Variants in AS3MT observed in about 807,000 individuals in gnomAD.
AS3MT encodes the protein arsenite methyltransferase.
In AS3MT, 47 loss-of-function variants were observed where a neutral mutation model predicts 45.3. The ratio of observed to expected loss-of-function variants is 1.04; its 90% CI spans 0.82 to 1.32. The LOEUF is 1.32. Ranked by LOEUF, AS3MT falls within the 40% of genes most tolerant of loss-of-function variation. The pLI is 0.00. For missense variants in AS3MT, 396 were observed against 451.1 expected, an observed-to-expected ratio of 0.88 and a Z score of 1.11; for synonymous variants, 141 against 152.8, an observed-to-expected ratio of 0.92 and a Z score of 0.57.
In AS3MT at chr10:102,900,594, A is replaced by T. The variant is rs780298293; in HGVS notation, c.1022A>T (p.Asp341Val). 5 of 1,612,144 alleles carry T rather than the reference A, an allele frequency of 3.1e-6. No homozygotes were observed. In the African/African-American group the frequency reaches 6.7e-5, roughly 22 times the overall value. The change falls in exon 11 of 11, where the codon GAT becomes GTT. Residue 341 changes from aspartate to valine, a missense_variant and splice_region_variant. Transcript: ENST00000369880. ...SGGCSALELK[D>V]IITDPFKLAE... ...TCATTTTGGTTTGCCTTTTGACAGG[A>T]TATAATCACAGATCCATTTAAGCTT...
At position 102,901,844 on chromosome 10, in the gene AS3MT, A is replaced by C. The variant is rs1461217309; in HGVS notation, c.*1144A>C. 6.6e-6 allele frequency: 1 copy of C among 152,160 alleles called. No homozygotes were observed. Among genetic ancestry groups the C allele is most frequent in the Non-Finnish European group, 1.5e-5 (1 of 68,048 alleles). 9.4% of individuals were successfully genotyped at this position (152,160 alleles called of 1,614,324 possible). A position where few individuals can be genotyped will look rare whatever the true frequency, so the allele number is the denominator to read the frequency against. Reference sequence around the variant, plus strand: ...GGACTTTTGAGGTAGCTTTTGAACAAATGTTTTTTTCTTTTTTCTTTTTTT... The same window carrying C: ...GGACTTTTGAGGTAGCTTTTGAACACATGTTTTTTTCTTTTTTCTTTTTTT... On this transcript the variant is annotated 3_prime_UTR_variant, in exon 11 of 11. Coordinates refer to ENST00000369880, the MANE Select transcript of AS3MT (RefSeq NM_020682.4).
intron 9 of AS3MT, among the ~76,000 whole-genome samples, chr10:102,890,273 A>G (rs1332199179): frequency 6.6e-6 from 1 of 151,982 alleles, no homozygotes; most frequent in Non-Finnish European, 1.5e-5. Context: ...GAGTGCTGGG[A>G]TTACAGGTGT....
intron 9 of AS3MT, among the ~76,000 whole-genome samples, chr10:102,887,030 C>A (rs956321796): frequency 1.3e-5 from 2 of 152,154 alleles, no homozygotes; most frequent in African/African-American, 4.8e-5. Context: ...TGTTGTATTT[C>A]CATTTTCATC....
chr10:102,878,310 G>C lies in AS3MT; in HGVS notation c.611-69G>C. ...CCATGTCCTAATTAATTATATAGAA[G>C]AATAGTTCCCTTAATACTGTATTAA... On this transcript the variant is annotated intron_variant, in intron 7 of 10. Coordinates refer to ENST00000369880, the MANE Select transcript of AS3MT (RefSeq NM_020682.4). The C allele has an allele frequency of 2.6e-6, 4 of 1,561,920 alleles. No individual in the cohort carries two copies. In the South Asian group the frequency reaches 4.7e-5, roughly 18 times the overall value.
At chr10:102,898,361 TGAGGCG>T (rs1178600871) in intron 10 of AS3MT, among the ~76,000 whole-genome samples, 5 of 152,044 alleles carry the variant, frequency 3.3e-5, no homozygotes, top group Non-Finnish European at 4.4e-5. Flanking sequence ...TTTGGGAGGC[TGAGGCG>T]GGTGGATCAC....
At chr10:102,872,852 C>T (rs577846849) in intron 4 of AS3MT, among the ~76,000 whole-genome samples, 1 of 152,180 alleles carries the variant, frequency 6.6e-6, no homozygotes, top group Non-Finnish European at 1.5e-5. Flanking sequence ...TTGATCTTTC[C>T]CTTCTTGCTG....
chr10:102,899,792 C>T (rs1030702010), intron 10 of AS3MT, among the ~76,000 whole-genome samples: 14 of 151,778 alleles, frequency 9.2e-5, no homozygotes, highest in Non-Finnish European at 1.9e-4. Context: ...CTCAGCCTCC[C>T]GAGTAGCTGA....
intron 5 of AS3MT, among the ~76,000 whole-genome samples, chr10:102,873,812 C>A (rs1223932248): frequency 6.6e-6 from 1 of 152,166 alleles, no homozygotes; most frequent in Non-Finnish European, 1.5e-5. Flanking sequence ...TTTGCTCCTA[C>A]AATACATGCT....
At chr10:102,877,597 A>G (rs1844803706) in intron 7 of AS3MT, among the ~76,000 whole-genome samples, 2 of 150,146 alleles carry the variant, frequency 1.3e-5, no homozygotes, top group Admixed American at 1.3e-4. Flanking sequence ...ACTAAGCTGG[A>G]CACAGTGGCA....
At chr10:102,870,258 T>A (rs761567033) in intron 3 of AS3MT, 47 bp downstream of exon 3, 25 of 1,607,176 alleles carry the variant, frequency 1.6e-5, no homozygotes, top group Non-Finnish European at 1.9e-5. Context: ...ACAGCAGTTT[T>A]CCCAAAAGAT....
At chr10:102,894,785 A>G (rs1208937464) in intron 10 of AS3MT, among the ~76,000 whole-genome samples, 1 of 152,220 alleles carries the variant, frequency 6.6e-6, no homozygotes, top group East Asian at 1.9e-4. Flanking sequence ...ACTCCCTTCT[A>G]TTGATCCCAG....
chr10:102,872,324 A>T, intron 3 of AS3MT, 124 bp from the exon 4 acceptor site: 1 of 1,018,014 alleles, frequency 9.8e-7, no homozygotes, highest in Non-Finnish European at 1.5e-6. Context: ...TGAGTGAATG[A>T]TGCAAGAAAG....
intron 10 of AS3MT, 95 bp from the exon 11 acceptor site, chr10:102,900,498 T>C: frequency 1.2e-6 from 1 of 840,170 alleles, no homozygotes; most frequent in Non-Finnish European, 2.0e-6. Context: ...ATCTCTGTTC[T>C]GTGTAAGTCA....
intron 10 of AS3MT, among the ~76,000 whole-genome samples, chr10:102,896,332 C>CAAA (rs899491110): frequency 1.2e-3 from 76 of 63,346 alleles, no homozygotes; most frequent in East Asian, 3.1e-3. Flanking sequence ...GACCCTGCCT[C>CAAA]AAAAAAAAAA....
At chr10:102,884,988 G>C (rs1008657226) in intron 9 of AS3MT, among the ~76,000 whole-genome samples, 6 of 151,956 alleles carry the variant, frequency 3.9e-5, no homozygotes, top group African/African-American at 1.2e-4. Context: ...TTTATTCTAG[G>C]AACCCATTTG....
rs1409508111 is a variant in AS3MT at position 102,878,951 on chromosome 10, A to G, written c.845A>G (p.His282Arg). The G allele has an allele frequency of 6.2e-6, 10 of 1,613,844 alleles. No individual in the cohort carries two copies. Residue 282 changes from histidine (H) to arginine (R), a missense_variant, in exon 9 of 11, where the codon CAT becomes CGT. His to Arg is a conservative substitution (Grantham distance 29). Transcript: ENST00000369880. Reference protein sequence around the residue: ...QVIYNGGITGHEKELMFDANF... With the variant: ...QVIYNGGITGREKELMFDANF... ...ATTTACAATGGAGGAATTACAGGAC[A>G]TGAAAAAGAACTAATGTTTGATGCC... is the stretch of plus-strand genomic sequence containing the variant.
At chr10:102,884,637 C>T (rs893376030) in intron 9 of AS3MT, among the ~76,000 whole-genome samples, 10 of 152,164 alleles carry the variant, frequency 6.6e-5, no homozygotes, top group African/African-American at 2.4e-4. Flanking sequence ...ATCTCCGCCT[C>T]CTGGGTTCAA....
At chr10:102,892,625 C>T (rs1845088966) in intron 10 of AS3MT, among the ~76,000 whole-genome samples, 1 of 152,032 alleles carries the variant, frequency 6.6e-6, no homozygotes, top group Non-Finnish European at 1.5e-5. Context: ...GTCAAAGCCT[C>T]CTAGGTTTAA....
chr10:102,894,884 G>C (rs554240113), intron 10 of AS3MT, among the ~76,000 whole-genome samples: 1 of 152,222 alleles, frequency 6.6e-6, no homozygotes, highest in East Asian at 1.9e-4. Context: ...GTTGTCCCAC[G>C]TTTCTGGTCT....
Sources: gnomAD v4.1 joint callset for allele counts (sites outside exome capture counted in the v4.1 genomes callset) on GRCh38, gnomAD v4.1.1 for gene constraint, MANE v1.5 for transcripts, NCBI Gene and HGNC (gene_info 2026-07-23, HGNC 2026-07-21) for gene names.